Variants in GJA3 observed in about 807,000 individuals in gnomAD.
GJA3 encodes the protein gap junction alpha-3 protein.
For missense variants in GJA3, 571 were observed against 620.3 expected (o/e 0.92, Z 0.84); for synonymous variants, 297 against 292.6 (o/e 1.02, Z -0.15).
chr13:20,139,421 T>C lies in GJA3; in HGVS notation c.*2560A>G, dbSNP rs1181382786. 6.6e-6 allele frequency: 1 copy of C among 151,810 alleles called. No homozygotes were observed. The allele number at this position is 151,810 out of a possible 1,614,324, so 9.4% of individuals were successfully genotyped here. On this transcript the variant is annotated 3_prime_UTR_variant, in exon 2 of 2. Coordinates refer to ENST00000241125, the MANE Select transcript of GJA3 (RefSeq NM_021954.4). ...GAATCTTGCCCACAGAGAGAGGCAA[T>C]TTCTATTTTTATTGCATGTTTCAAT...
At chr13:20,153,799 A>AT (rs1418758086) in intron 1 of GJA3, among the ~76,000 whole-genome samples, 1 of 107,908 alleles carries the variant, frequency 9.3e-6, no homozygotes. Context: ...AAAAAATTAA[A>AT]TTAAAAAAAA....
At chr13:20,145,634 A>C (rs1324297146) in intron 1 of GJA3, among the ~76,000 whole-genome samples, 2 of 152,196 alleles carry the variant, frequency 1.3e-5, no homozygotes, top group Non-Finnish European at 2.9e-5. Context: ...TGCAAGACCC[A>C]TCAGCACCTG....
At position 20,139,603 on chromosome 13, in the gene GJA3, C is replaced by G. The variant is rs926145506; in HGVS notation, c.*2378G>C. On this transcript the variant is annotated 3_prime_UTR_variant, in exon 2 of 2. Transcript: ENST00000241125. ...ATCAGTATGCTAACCTGAAAAAACA[C>G]CACAGGCACTGTTCTATTGCAAAAC... 2.6e-5 allele frequency: 4 copies of G among 152,188 alleles called. No homozygotes were observed. Among genetic ancestry groups the G allele is most frequent in the Non-Finnish European group, 4.4e-5 (3 of 68,028 alleles). The allele number at this position is 152,188 out of a possible 1,614,324, so 9.4% of individuals were successfully genotyped here. A position where few individuals can be genotyped will look rare whatever the true frequency, so the allele number is the denominator to read the frequency against.
chr13:20,148,289 A>G (rs2141141099), intron 1 of GJA3, among the ~76,000 whole-genome samples: 1 of 120,178 alleles, frequency 8.3e-6, no homozygotes, highest in Non-Finnish European at 1.6e-5. Flanking sequence ...ACAGAGTCTC[A>G]TTCTGTCGCT....
intron 1 of GJA3, among the ~76,000 whole-genome samples, chr13:20,157,272 G>T (rs949860149): frequency 9.9e-5 from 15 of 152,158 alleles, no homozygotes; most frequent in African/African-American, 3.6e-4. Flanking sequence ...GATCAGAACA[G>T]GCTTTTGTCA....
rs138730920 is a variant in GJA3 at position 20,151,382 on chromosome 13, G to A, written c.-17-8077C>T. The stretch of plus-strand genomic sequence containing the variant: ...TACAGGAGATGCAGGCAGTCAACAA[G>A]GGTTGCTGAGGCGTGCTCCCCAAAG... On this transcript the variant is annotated intron_variant, in intron 1 of 1. Coordinates refer to ENST00000241125, the MANE Select transcript of GJA3 (RefSeq NM_021954.4). Among the ~76,000 whole-genome samples the A allele has an allele frequency of 7.6e-3, 1,150 of 152,298 alleles. 6 individuals are homozygous for A. Among genetic ancestry groups the A allele is most frequent in the Non-Finnish European group, 0.012 (804 of 68,016 alleles).
Position 20,148,613 on chromosome 13 carries a change from G to C in GJA3, c.-17-5308C>G, listed in dbSNP as rs116797237. 9.0e-3 allele frequency among the ~76,000 whole-genome samples: 1,368 copies of C among 152,286 alleles called. 22 individuals are homozygous for C. Among genetic ancestry groups the C allele is most frequent in the African/African-American group, 0.031 (1,286 of 41,568 alleles). On this transcript the variant is annotated intron_variant, in intron 1 of 1. Transcript: ENST00000241125. ...ATCACTAGATAGTGAAATCAGCAGA[G>C]AGTTGCACATGTGTCGCAGAAAGAC... is the stretch of plus-strand genomic sequence containing the variant.
intron 1 of GJA3, among the ~76,000 whole-genome samples, chr13:20,157,969 G>A (rs1323252058): frequency 1.3e-5 from 2 of 151,794 alleles, no homozygotes; most frequent in Non-Finnish European, 1.5e-5. Flanking sequence ...GAGTAGCTGG[G>A]ACTATAGGTT....
At chr13:20,146,445 G>C (rs372354653) in intron 1 of GJA3, among the ~76,000 whole-genome samples, 26 of 152,384 alleles carry the variant, frequency 1.7e-4, no homozygotes, top group African/African-American at 6.0e-4. Flanking sequence ...GACCACAGCA[G>C]CTGAGCCTGC....
chr13:20,142,767 C>T lies in GJA3; in HGVS notation c.522G>A (p.Glu174=), dbSNP rs772086761. 2.4e-5 allele frequency: 38 copies of T among 1,613,442 alleles called. No homozygotes were observed. Among genetic ancestry groups the T allele is most frequent in the Non-Finnish European group, 3.2e-5 (38 of 1,179,902 alleles). ...IAGQYFLYGF[E]LKPLYRCDRW... ...GGTCGCAGCGGTAGAGCGGCTTCAGCTCGAAGCCGTACAGAAAGTACTGGC... is the reference window on the plus strand; with the variant it reads ...GGTCGCAGCGGTAGAGCGGCTTCAGTTCGAAGCCGTACAGAAAGTACTGGC... The change falls in exon 2 of 2, where the codon GAG becomes GAA. Residue 174 remains glutamate, a synonymous_variant. Transcript: ENST00000241125.
intron 1 of GJA3, among the ~76,000 whole-genome samples, chr13:20,153,605 G>A (rs1958891585): frequency 6.6e-6 from 1 of 152,078 alleles, no homozygotes; most frequent in Admixed American, 6.5e-5. Flanking sequence ...GACACAGGGT[G>A]GGGAACATCA....
intron 1 of GJA3, among the ~76,000 whole-genome samples, chr13:20,151,993 G>T (rs533815684): frequency 1.3e-5 from 2 of 152,202 alleles, no homozygotes; most frequent in South Asian, 4.1e-4. Context: ...TGCTCAGAAC[G>T]GGAGTAATGG....
intron 1 of GJA3, among the ~76,000 whole-genome samples, chr13:20,159,806 G>C (rs1162205144): frequency 1.3e-5 from 2 of 152,292 alleles, no homozygotes; most frequent in Non-Finnish European, 2.9e-5. Flanking sequence ...TGAGCAGGTG[G>C]AATCTGTGCC....
rs1958812073 is a variant in GJA3, at chr13:20,142,209, C to A, written c.1080G>T (p.Pro360=). The A allele has an allele frequency of 6.6e-7, 1 of 1,513,590 alleles. No individual in the cohort carries two copies. Among genetic ancestry groups the A allele is most frequent in the Non-Finnish European group, 8.8e-7 (1 of 1,133,812 alleles). 93.8% of individuals were successfully genotyped at this position (1,513,590 alleles called of 1,614,324 possible). ...CCGCCTCAGCCTCGTGCGCGAGTGG[C>A]GGGGAGCTGCTGCCGACGGGGCTGG... is the stretch of plus-strand genomic sequence containing the variant. ...AAPSPVGSSS[P]PLAHEAEAGA... Residue 360 remains proline, a synonymous_variant, in exon 2 of 2, where the codon CCG becomes CCT. Coordinates refer to ENST00000241125, the MANE Select transcript of GJA3 (RefSeq NM_021954.4).
In GJA3 at chr13:20,143,091, G is replaced by C. The variant is rs1291345407; in HGVS notation, c.198C>G (p.Tyr66Ter). 6.2e-7 allele frequency: 1 copy of C among 1,613,910 alleles called. No homozygotes were observed. The highest frequency in any genetic ancestry group is 8.5e-7 in the Non-Finnish European group (1 of 1,179,898). Residue 66 changes from tyrosine (Y) to a stop codon, truncating the protein, a stop_gained, in exon 2 of 2, where the codon TAC becomes TAG. Transcript: ENST00000241125. LOFTEE classifies it low-confidence loss of function (END_TRUNC). ...TGTGGGAGATGGGGAAGGCCCTGTC[G>C]TAGCAGACGTTCTCGCAGCCCGGCT... ...TQQPGCENVC[Y>*]DRAFPISHIR...
chr13:20,147,156 T>C (rs1958847880), intron 1 of GJA3, among the ~76,000 whole-genome samples: 1 of 152,238 alleles, frequency 6.6e-6, no homozygotes, highest in South Asian at 2.1e-4. Context: ...ACAGATGTGA[T>C]GCTGGAGCTG....
intron 1 of GJA3, among the ~76,000 whole-genome samples, chr13:20,149,868 TGAAA>T (rs1260095811): frequency 1.3e-5 from 2 of 152,072 alleles, no homozygotes; most frequent in Non-Finnish European, 2.9e-5. Flanking sequence ...GACAGATGAA[TGAAA>T]GAGTGGGAGC....
Position 20,146,315 on chromosome 13 carries a change from G to A in GJA3, c.-17-3010C>T, listed in dbSNP as rs115153665. On this transcript the variant is annotated intron_variant, in intron 1 of 1. Transcript: ENST00000241125. ...GGAGGCAAAATGTTCTGCCGTGTTT[G>A]GGGTGACCTCATGGGAAAGAACTGT... is the stretch of plus-strand genomic sequence containing the variant. Among the ~76,000 whole-genome samples, 640 of 152,288 alleles carry A rather than the reference G, an allele frequency of 4.2e-3. 8 individuals are homozygous for A. The highest frequency in any genetic ancestry group is 0.015 in the African/African-American group (623 of 41,550).
At chr13:20,161,198 C>G (rs1204131000), upstream of GJA3, 1 of 152,974 alleles carries the variant, frequency 6.5e-6, no homozygotes, top group Non-Finnish European at 1.5e-5. Flanking sequence ...AGCACTCGCC[C>G]GCGTCCGCAT....
Sources: gnomAD v4.1 joint callset for allele counts (sites outside exome capture counted in the v4.1 genomes callset) on GRCh38, gnomAD v4.1.1 for gene constraint, MANE v1.5 for transcripts, NCBI Gene and HGNC (gene_info 2026-07-23, HGNC 2026-07-21) for gene names.